NRG1: variants seen among roughly 807,000 people sequenced by gnomAD.
NRG1 encodes neuregulin 1, also known as pro-neuregulin-1, membrane-bound isoform.
In NRG1, 18 loss-of-function variants were observed where a neutral mutation model predicts 63.8. That is an observed-to-expected ratio of 0.28 (90% CI 0.19 to 0.42). The LOEUF (loss-of-function observed/expected upper bound fraction) is 0.42. NRG1 is among the 10% of genes least tolerant of loss of function. The pLI is 1.00. For missense variants in NRG1, 762 were observed against 814.7 expected (o/e 0.94, Z 0.79); for synonymous variants, 302 against 301.3 (o/e 1.00, Z -0.02).
intron 1 of NRG1, among the ~76,000 whole-genome samples, chr8:32,318,197 T>G (rs1347139296): frequency 6.6e-6 from 1 of 152,234 alleles, no homozygotes. Context: ...AGATGTTATC[T>G]GTCTGAAAAC....
intron 1 of NRG1, chr8:32,026,139 A>G (rs28648651): frequency 0.98 from 145,850 of 148,834 alleles, 71,532 homozygotes; most frequent in Non-Finnish European, 1. Flanking sequence ...CAGGATCTCG[A>G]CTCACTGCAA....
chr8:32,088,377 T>C (rs565189469), intron 1 of NRG1, among the ~76,000 whole-genome samples: 8 of 152,294 alleles, frequency 5.3e-5, no homozygotes, highest in African/African-American at 1.9e-4. Context: ...TGGGTAAACA[T>C]TGTGGAAAGT....
chr8:32,528,413 C>T (rs1034383132), intron 1 of NRG1, among the ~76,000 whole-genome samples: 3 of 152,144 alleles, frequency 2.0e-5, no homozygotes, highest in Non-Finnish European at 4.4e-5. Context: ...ATTGAACTTG[C>T]GAGGTCAGCT....
chr8:32,299,713 T>C (rs999381651), intron 1 of NRG1, among the ~76,000 whole-genome samples: 1 of 152,100 alleles, frequency 6.6e-6, no homozygotes, highest in African/African-American at 2.4e-5. Flanking sequence ...AGGCACATCT[T>C]ACATAGAGGC....
chr8:32,690,876 C>G (rs985133485), intron 5 of NRG1, among the ~76,000 whole-genome samples: 1 of 150,934 alleles, frequency 6.6e-6, no homozygotes, highest in African/African-American at 2.4e-5. Flanking sequence ...TATCTGGCTG[C>G]TATCTAAGGA....
chr8:32,679,943 G>A (rs7011105), intron 5 of NRG1, among the ~76,000 whole-genome samples: 101,897 of 152,118 alleles, frequency 0.67, 35,394 homozygotes, highest in African/African-American at 0.87. Flanking sequence ...TTTAAAAGAT[G>A]AAAAAGTGAT....
intron 1 of NRG1, among the ~76,000 whole-genome samples, chr8:32,190,213 T>C (rs925428568): frequency 4.6e-5 from 7 of 150,706 alleles, no homozygotes; most frequent in African/African-American, 7.3e-5. Flanking sequence ...TTTTTCTATT[T>C]ACTCTTTCTT....
intron 1 of NRG1, among the ~76,000 whole-genome samples, chr8:31,908,582 G>C (rs988698912): frequency 6.6e-6 from 1 of 152,068 alleles, no homozygotes; most frequent in Non-Finnish European, 1.5e-5. Context: ...GAAAGGTTTT[G>C]GCAAATCCTT....
intron 1 of NRG1, among the ~76,000 whole-genome samples, chr8:31,888,580 T>C (rs1489193997): frequency 1.3e-5 from 2 of 152,058 alleles, no homozygotes; most frequent in African/African-American, 2.4e-5. Context: ...AGTGCATTTT[T>C]TTCCTTCAGT....
chr8:32,368,882 G>A (rs972439054), intron 1 of NRG1, among the ~76,000 whole-genome samples: 13 of 152,136 alleles, frequency 8.5e-5, no homozygotes, highest in African/African-American at 2.4e-4. Context: ...TTAAATCACC[G>A]TAACACTGCA....
At chr8:32,072,938 T>C (rs932730163) in intron 1 of NRG1, among the ~76,000 whole-genome samples, 8 of 152,070 alleles carry the variant, frequency 5.3e-5, no homozygotes, top group African/African-American at 1.9e-4. Context: ...GAAGGGGAAT[T>C]TTGAATGAAT....
At chr8:31,801,616 T>C (rs189436164) in intron 1 of NRG1, among the ~76,000 whole-genome samples, 294 of 152,326 alleles carry the variant, frequency 1.9e-3, no homozygotes, top group African/African-American at 6.7e-3. Flanking sequence ...CTGATTCTAC[T>C]TGTAGTCTCC....
intron 1 of NRG1, among the ~76,000 whole-genome samples, chr8:32,413,957 T>C (rs1815483302): frequency 6.6e-6 from 1 of 152,008 alleles, no homozygotes; most frequent in African/African-American, 2.4e-5. Flanking sequence ...TAACTGTCCT[T>C]TCCAAGATTA....
intron 1 of NRG1, among the ~76,000 whole-genome samples, chr8:31,996,323 T>C (rs1444035019): frequency 6.6e-6 from 1 of 151,986 alleles, no homozygotes; most frequent in Non-Finnish European, 1.5e-5. Flanking sequence ...ATAAGCACAC[T>C]GAAGTAAAAG....
At chr8:32,477,544 A>G (rs1027740535) in intron 1 of NRG1, among the ~76,000 whole-genome samples, 78 of 152,214 alleles carry the variant, frequency 5.1e-4, no homozygotes, top group Non-Finnish European at 1.8e-4. Context: ...ACATTGGGAT[A>G]TGGCCCCTTG....
At chr8:32,091,531 A>C (rs2045796) in intron 1 of NRG1, among the ~76,000 whole-genome samples, 34,399 of 152,102 alleles carry the variant, frequency 0.23, 4,984 homozygotes, top group East Asian at 0.52. Flanking sequence ...GATTTTAGTT[A>C]ATTGGTAGCC....
intron 1 of NRG1, among the ~76,000 whole-genome samples, chr8:32,305,917 T>C (rs1453257258): frequency 6.6e-6 from 1 of 152,222 alleles, no homozygotes; most frequent in Non-Finnish European, 1.5e-5. Flanking sequence ...CCCAGCCCTG[T>C]TGGCTGTGTG....
chr8:31,714,870 A>G (rs989635631), intron 1 of NRG1, among the ~76,000 whole-genome samples: 6 of 152,198 alleles, frequency 3.9e-5, no homozygotes, highest in Non-Finnish European at 7.4e-5. Flanking sequence ...AAAAATGAAG[A>G]AACTGTTCTA....
chr8:32,544,983 C>T (rs10090954), upstream of NRG1, among the ~76,000 whole-genome samples: 1 of 152,006 alleles, frequency 6.6e-6, no homozygotes, highest in Non-Finnish European at 1.5e-5. Context: ...TCTTTGTTTA[C>T]ATTATCTTAA....
Sources: gnomAD v4.1 joint callset for allele counts (sites outside exome capture counted in the v4.1 genomes callset) on GRCh38, gnomAD v4.1.1 for gene constraint, MANE v1.5 for transcripts, NCBI Gene and HGNC (gene_info 2026-07-23, HGNC 2026-07-21) for gene names.